Variants in ALG9 observed in about 807,000 individuals in gnomAD.
The protein encoded by ALG9 is alpha-1,2-mannosyltransferase ALG9.
In ALG9, 55 loss-of-function variants were observed where a neutral mutation model predicts 81.8. The observed-to-expected ratio is 0.67, with a 90% CI of 0.54 to 0.84. ALG9 has a LOEUF of 0.84. Among genes scored for constraint, ALG9 ranks in the 40% least tolerant of loss-of-function variants. ALG9 has a pLI of 0.00. For synonymous variants in ALG9, 278 were observed against 274.3 expected (o/e 1.01, Z -0.13); for missense variants, 629 against 745.0 (o/e 0.84, Z 1.81).
chr11:111,842,452 C>T (rs538934052), intron 9 of ALG9, among the ~76,000 whole-genome samples: 18 of 152,106 alleles, frequency 1.2e-4, no homozygotes, highest in African/African-American at 3.9e-4. Context: ...GACAGGGTCT[C>T]GCTCTGTCAC....
chr11:111,796,185 C>A (rs1948255466), intron 14 of ALG9, among the ~76,000 whole-genome samples: 1 of 152,164 alleles, frequency 6.6e-6, no homozygotes, highest in Non-Finnish European at 1.5e-5. Flanking sequence ...CTTATACCAT[C>A]TTTTTTCTAT....
At position 111,857,577 on chromosome 11, in the gene ALG9, GGGA is replaced by G. The variant is rs781926707; in HGVS notation, c.701+22_701+24del. 24 of 1,613,972 alleles carry G rather than the reference GGGA, an allele frequency of 1.5e-5. No homozygotes were observed. In the African/African-American group the frequency reaches 2.8e-4, roughly 19 times the overall value. On this transcript the variant is annotated intron_variant, in intron 6 of 14. Transcript: ENST00000616540. ...ATTTACTATATGCCCAGCGATATAT[GGGA>G]GGAGAACTGTTAGTTTCTTACCCAA...
At chr11:111,796,941 C>A (rs782618320) in intron 14 of ALG9, among the ~76,000 whole-genome samples, 2 of 152,172 alleles carry the variant, frequency 1.3e-5, no homozygotes, top group African/African-American at 4.8e-5. Context: ...ATTCTGCCAT[C>A]GGGTGGAGTC....
At chr11:111,852,806 C>T (rs781847512) in intron 8 of ALG9, among the ~76,000 whole-genome samples, 10 of 151,702 alleles carry the variant, frequency 6.6e-5, no homozygotes, top group African/African-American at 1.2e-4. Context: ...GACATGGTGG[C>T]GGGCTAATAG....
chr11:111,857,827 C>T, intron 5 of ALG9, 90 bp from the exon 6 acceptor site: 2 of 1,434,826 alleles, frequency 1.4e-6, no homozygotes, highest in East Asian at 2.4e-5. Flanking sequence ...AATTTACCTA[C>T]ATTATAAAAT....
Position 111,870,354 on chromosome 11 carries a change from CTT to C in ALG9, c.146_147del (p.Lys49SerfsTer8). 7.7e-7 allele frequency: 1 copy of C among 1,294,388 alleles called. No homozygotes were observed. Among genetic ancestry groups the C allele is most frequent in the Non-Finnish European group, 1.1e-6 (1 of 951,588 alleles). The allele number at this position is 1,294,388 out of a possible 1,614,324, so 80.2% of individuals were successfully genotyped here. On this transcript the variant is annotated frameshift_variant, in exon 2 of 15. Transcript: ENST00000616540. LOFTEE classifies it high-confidence loss of function. Reference sequence around the variant, plus strand: ...CCTTCAGGTGCCCAGACTTGTCCTGCTTTGTTCCCAGATAACCTGTTCAAAAG... The same window carrying C: ...CCTTCAGGTGCCCAGACTTGTCCTGCTGTTCCCAGATAACCTGTTCAAAAG... The part of the protein sequence containing the change: ...AEHRTELSGN[K>X]AGQVWAPEGS...
At chr11:111,826,804 G>A (rs1161073004) in intron 13 of ALG9, among the ~76,000 whole-genome samples, 4 of 151,952 alleles carry the variant, frequency 2.6e-5, no homozygotes, top group South Asian at 2.1e-4. Context: ...CCTCTCCTCC[G>A]TCTCATCTGT....
the ALG9 span, among the ~76,000 whole-genome samples, chr11:111,774,355 A>C: frequency 3.3e-5 from 5 of 152,230 alleles, no homozygotes; most frequent in Non-Finnish European, 7.3e-5. Flanking sequence ...CAGCCTGGGC[A>C]ACAAGAGTGA....
intron 13 of ALG9, chr11:111,817,249 C>T (rs1555098344): frequency 6.6e-6 from 1 of 152,132 alleles, no homozygotes; most frequent in Non-Finnish European, 1.5e-5. Context: ...GAAAGAGAGG[C>T]CTATACTAGC....
intron 6 of ALG9, among the ~76,000 whole-genome samples, chr11:111,856,595 T>C (rs537619803): frequency 1.3e-5 from 2 of 151,744 alleles, no homozygotes; most frequent in South Asian, 4.1e-4. Context: ...AAATTAGGAA[T>C]TGTTTTTACC....
intron 3 of ALG9, among the ~76,000 whole-genome samples, chr11:111,866,404 T>C (rs1962468630): frequency 6.6e-6 from 1 of 152,098 alleles, no homozygotes; most frequent in African/African-American, 2.4e-5. Flanking sequence ...GGTGCTTTCA[T>C]TTGGGGTAGC....
In ALG9 at chr11:111,871,207, T is replaced by C. The variant is rs533090746; in HGVS notation, c.131+145A>G. 5.2e-5 allele frequency: 68 copies of C among 1,307,680 alleles called. 2 individuals are homozygous for C. In the South Asian group the frequency reaches 1.4e-3, roughly 26 times the overall value. The allele number at this position is 1,307,680 out of a possible 1,614,324, so 81.0% of individuals were successfully genotyped here. On this transcript the variant is annotated intron_variant, in intron 1 of 14. Coordinates refer to ENST00000616540, the MANE Select transcript of ALG9 (RefSeq NM_024740.2). ...ATGCTGACCCGCCCAGGAAGACCAA[T>C]AGGACCTAGCTGAAGAGGGAGCTCG...
At chr11:111,820,915 C>T (rs962769592) in intron 13 of ALG9, among the ~76,000 whole-genome samples, 5 of 102,834 alleles carry the variant, frequency 4.9e-5, no homozygotes, top group African/African-American at 1.9e-4. Context: ...TCTCCAAACA[C>T]GCGCGCACAC....
rs1373257441 is a variant in ALG9 at position 111,784,996 on chromosome 11, C to CAGA, written c.*1398_*1400dup. 2.0e-5 allele frequency: 3 copies of CAGA among 152,652 alleles called. No homozygotes were observed. The highest frequency in any genetic ancestry group is 4.4e-5 in the Non-Finnish European group (3 of 68,048). 9.5% of individuals were successfully genotyped at this position (152,652 alleles called of 1,614,324 possible). A position where few individuals can be genotyped will look rare whatever the true frequency, so the allele number is the denominator to read the frequency against. On this transcript the variant is annotated 3_prime_UTR_variant, in exon 15 of 15. Coordinates refer to ENST00000616540, the MANE Select transcript of ALG9 (RefSeq NM_024740.2). ...CTGGAGGCTCCAAAGAACTCAAATA[C>CAGA]AGACACAATTCTTCCTTAAAATAGA... is the stretch of plus-strand genomic sequence containing the variant.
At chr11:111,804,095 T>C (rs1555082850) in intron 14 of ALG9, among the ~76,000 whole-genome samples, 1 of 138,328 alleles carries the variant, frequency 7.2e-6, no homozygotes, top group Non-Finnish European at 1.5e-5. Context: ...AGTGTGCCAC[T>C]GCACTCCAGC....
At chr11:111,848,998 G>A (rs1957339334) in intron 8 of ALG9, among the ~76,000 whole-genome samples, 1 of 152,048 alleles carries the variant, frequency 6.6e-6, no homozygotes, top group Non-Finnish European at 1.5e-5. Context: ...TAAGTACTAT[G>A]ATGAAACAAG....
intron 4 of ALG9, among the ~76,000 whole-genome samples, chr11:111,861,709 A>G (rs1354881153): frequency 6.6e-6 from 1 of 152,134 alleles, no homozygotes; most frequent in African/African-American, 2.4e-5. Flanking sequence ...CCTGAGCTCA[A>G]GCAATCCTCA....
At chr11:111,826,199 A>G (rs1168010153) in intron 13 of ALG9, among the ~76,000 whole-genome samples, 1 of 151,272 alleles carries the variant, frequency 6.6e-6, no homozygotes, top group Non-Finnish European at 1.5e-5. Context: ...CAGCCTGGGC[A>G]ACATTGCCAG....
At chr11:111,861,847 C>A (rs1960272347) in intron 4 of ALG9, among the ~76,000 whole-genome samples, 1 of 151,914 alleles carries the variant, frequency 6.6e-6, no homozygotes, top group Non-Finnish European at 1.5e-5. Flanking sequence ...ATGGCTTAAC[C>A]TAATATACAA....
Sources: gnomAD v4.1 joint callset for allele counts (sites outside exome capture counted in the v4.1 genomes callset) on GRCh38, gnomAD v4.1.1 for gene constraint, MANE v1.5 for transcripts, NCBI Gene and HGNC (gene_info 2026-07-23, HGNC 2026-07-21) for gene names.